Variants in LRP2 observed in about 807,000 individuals in gnomAD.
LRP2 encodes the protein LDL receptor related protein 2.
Under a neutral mutation model 531.0 loss-of-function variants are expected in LRP2, and 172 were observed. The ratio of observed to expected loss-of-function variants is 0.32; its 90% CI spans 0.29 to 0.37. The LOEUF is 0.37. Among genes scored for constraint, LRP2 ranks in the 10% least tolerant of loss-of-function variants. LRP2 has a pLI of 1.00. For missense variants in LRP2, 5,167 were observed against 5,868.3 expected (o/e 0.88, Z 3.90); for synonymous variants, 1,992 against 2,027.6 (o/e 0.98, Z 0.47).
At chr2:169,141,566 A>G (rs1034248082) in intron 71 of LRP2, among the ~76,000 whole-genome samples, 2 of 152,198 alleles carry the variant, frequency 1.3e-5, no homozygotes, top group African/African-American at 4.8e-5. Context: ...GACTGCCATC[A>G]TTCGTGTGCT....
chr2:169,127,533 T>TTA lies in LRP2; in HGVS notation c.*1129_*1130insTA, dbSNP rs1685138813. 1 of 64,692 alleles carries TTA rather than the reference T, an allele frequency of 1.5e-5. No homozygotes were observed. Among genetic ancestry groups the TTA allele is most frequent in the Non-Finnish European group, 2.7e-5 (1 of 37,504 alleles). 4.0% of individuals were successfully genotyped at this position (64,692 alleles called of 1,614,324 possible). On this transcript the variant is annotated 3_prime_UTR_variant, in exon 79 of 79. Coordinates refer to ENST00000649046, the MANE Select transcript of LRP2 (RefSeq NM_004525.3). ...TGGCAATATAGCAAGACTCCATCTC[T>TTA]AAAAAAAAAAAAAAAAAAAAAACCA...
chr2:169,137,667 A>C (rs527977943), intron 75 of LRP2, among the ~76,000 whole-genome samples, 174 bp from the exon 76 acceptor site: 1 of 151,944 alleles, frequency 6.6e-6, no homozygotes, highest in Non-Finnish European at 1.5e-5. Context: ...AAAAAAAAAA[A>C]AGGCCAGCAA....
intron 1 of LRP2, among the ~76,000 whole-genome samples, chr2:169,359,969 C>T (rs2105590086): frequency 6.6e-6 from 1 of 151,866 alleles, no homozygotes; most frequent in East Asian, 1.9e-4. Flanking sequence ...ACTAAAAATA[C>T]AAAATATTAG....
intron 46 of LRP2, among the ~76,000 whole-genome samples, chr2:169,196,349 A>G (rs1314637937): frequency 6.6e-6 from 1 of 152,246 alleles, no homozygotes; most frequent in East Asian, 1.9e-4. Context: ...TATGTAAAAA[A>G]TGTGCATGGA....
At chr2:169,189,460 T>C (rs1687755773) in intron 48 of LRP2, among the ~76,000 whole-genome samples, 2 of 152,172 alleles carry the variant, frequency 1.3e-5, no homozygotes, top group African/African-American at 4.8e-5. Flanking sequence ...AACACCAATG[T>C]TTTCCTTTGT....
chr2:169,156,769 C>G (rs1057111360), intron 64 of LRP2, among the ~76,000 whole-genome samples: 2 of 152,194 alleles, frequency 1.3e-5, no homozygotes, highest in East Asian at 3.8e-4. Context: ...TTCACTTCTG[C>G]TAACCAGCTT....
At position 169,220,452 on chromosome 2, in the gene LRP2, A is replaced by G. The variant is rs768709552; in HGVS notation, c.5648+2T>C. On this transcript the variant is annotated splice_donor_variant, in intron 34 of 78. Coordinates refer to ENST00000649046, the MANE Select transcript of LRP2 (RefSeq NM_004525.3). LOFTEE classifies it high-confidence loss of function. ...AGACACGTGCCATTTATGAATACTC[A>G]CCCACGAGCAGGATCAACAGTTATG... 6.2e-7 allele frequency: 1 copy of G among 1,608,506 alleles called. No individual in the cohort carries two copies.
intron 1 of LRP2, among the ~76,000 whole-genome samples, chr2:169,337,918 G>A (rs977824233): frequency 1.3e-5 from 2 of 152,100 alleles, no homozygotes; most frequent in African/African-American, 4.8e-5. Flanking sequence ...ACCACCCTGG[G>A]CAACATAGTG....
intron 46 of LRP2, among the ~76,000 whole-genome samples, chr2:169,195,951 T>C (rs1687988700): frequency 6.6e-6 from 1 of 152,156 alleles, no homozygotes; most frequent in Non-Finnish European, 1.5e-5. Flanking sequence ...AATACGATGT[T>C]AATATTTACT....
intron 70 of LRP2, among the ~76,000 whole-genome samples, chr2:169,143,892 CACAG>C (rs762301972): frequency 1.2e-4 from 19 of 152,118 alleles, no homozygotes; most frequent in Non-Finnish European, 2.8e-4. Context: ...AAGATGTAAC[CACAG>C]ACAAAGCATA....
intron 1 of LRP2, among the ~76,000 whole-genome samples, chr2:169,356,191 C>T (rs1685982019): frequency 6.6e-6 from 1 of 152,194 alleles, no homozygotes; most frequent in African/African-American, 2.4e-5. Context: ...CCACACCCAG[C>T]CTCAACTATG....
rs561853211 is a variant in LRP2 at position 169,358,606 on chromosome 2, C to T, written c.79+3715G>A. On this transcript the variant is annotated intron_variant, in intron 1 of 78. Transcript: ENST00000649046. Reference sequence around the variant, plus strand: ...CAAGTTTGCTATTGCCCCCACAATCCTTTTAAACATATAAACTTCATGTGA... The same window carrying T: ...CAAGTTTGCTATTGCCCCCACAATCTTTTTAAACATATAAACTTCATGTGA... Among the ~76,000 whole-genome samples, 6 of 152,276 alleles carry T rather than the reference C, an allele frequency of 3.9e-5. No homozygotes were observed. In the South Asian group the frequency reaches 1.0e-3, roughly 26 times the overall value.
In LRP2 at chr2:169,162,546, C is replaced by T. The variant is rs369322465; in HGVS notation, c.11813G>A (p.Gly3938Glu). The change falls in exon 63 of 79, where the codon GGG becomes GAG. Residue 3938 changes from glycine (G) to glutamate (E), a missense_variant. This residue lies in a region of LRP2 where 564 missense variants were observed against 747.7 expected (regional missense o/e 0.75). Coordinates refer to ENST00000649046, the MANE Select transcript of LRP2 (RefSeq NM_004525.3). ...CACATTGTCATGTGGAATGCAATGC[C>T]CATTGCCACACTTATATTCATATTC... is the stretch of plus-strand genomic sequence containing the variant. ...CTEYEYKCGN[G>E]HCIPHDNVCD... 6.2e-7 allele frequency: 1 copy of T among 1,613,798 alleles called. No individual in the cohort carries two copies. The highest frequency in any genetic ancestry group is 1.1e-5 in the South Asian group (1 of 91,086).
At chr2:169,327,115 C>A (rs1379225643) in intron 1 of LRP2, among the ~76,000 whole-genome samples, 1 of 150,006 alleles carries the variant, frequency 6.7e-6, no homozygotes, top group Non-Finnish European at 1.5e-5. Flanking sequence ...CGGCCAGCCG[C>A]CCCATCCGGG....
At chr2:169,228,352 T>C (rs537239610) in intron 31 of LRP2, among the ~76,000 whole-genome samples, 39 of 152,078 alleles carry the variant, frequency 2.6e-4, no homozygotes, top group African/African-American at 9.4e-4. Context: ...GTTTCAGCTG[T>C]ACCAAGAAAT....
rs142783441 is a variant in LRP2, at chr2:169,149,640, C to G, written c.12590+1258G>C. On this transcript the variant is annotated intron_variant, in intron 68 of 78. Transcript: ENST00000649046. ...TCACCTGAGGTCAGGAGTTCAAGAC[C>G]AGGCTGCCCAACATGGTGAAACCCT... is the stretch of plus-strand genomic sequence containing the variant. Among the ~76,000 whole-genome samples the G allele has an allele frequency of 6.4e-3, 975 of 152,120 alleles. 12 individuals are homozygous for G. The highest frequency in any genetic ancestry group is 0.021 in the African/African-American group (858 of 41,484).
At chr2:169,330,759 A>T (rs1477896127) in intron 1 of LRP2, among the ~76,000 whole-genome samples, 1 of 152,190 alleles carries the variant, frequency 6.6e-6, no homozygotes, top group Non-Finnish European at 1.5e-5. Flanking sequence ...TGAGAGTGGC[A>T]GTACCACCCC....
intron 77 of LRP2, among the ~76,000 whole-genome samples, chr2:169,132,353 A>C (rs770932570): frequency 1.3e-5 from 2 of 152,222 alleles, no homozygotes; most frequent in Non-Finnish European, 2.9e-5. Context: ...CTCCTATGTT[A>C]CAAGGAACAT....
At chr2:169,254,154 A>G (rs1217378199) in intron 19 of LRP2, among the ~76,000 whole-genome samples, 1 of 23,210 alleles carries the variant, frequency 4.3e-5, no homozygotes, top group Non-Finnish European at 6.6e-5. Context: ...TATATACCCA[A>G]ATGAGTATAA....
Sources: allele counts gnomAD v4.1 joint callset (sites outside exome capture counted in the v4.1 genomes callset), GRCh38; gene constraint gnomAD v4.1.1; regional missense constraint gnomAD v4.1.1; transcripts MANE v1.5; gene names NCBI Gene and HGNC (gene_info 2026-07-23, HGNC 2026-07-21).